Variants in STK32A observed in about 807,000 individuals in gnomAD.
STK32A encodes serine/threonine-protein kinase 32A.
Under a neutral mutation model 53.2 loss-of-function variants are expected in STK32A, and 41 were observed. The ratio of observed to expected loss-of-function variants is 0.77; its 90% CI spans 0.60 to 1.00. The LOEUF is 1.00. Among genes scored for constraint, STK32A ranks in the 50% least tolerant of loss-of-function variants. The pLI is 0.00. For synonymous variants in STK32A, 166 were observed against 162.8 expected (o/e 1.02, Z -0.15); for missense variants, 458 against 485.8 (o/e 0.94, Z 0.54).
rs946610464 is a variant in STK32A, at chr5:147,249,521, G to A, written c.52+9835G>A. Among the ~76,000 whole-genome samples, 15 of 152,124 alleles carry A rather than the reference G, an allele frequency of 9.9e-5. 1 individual carries two copies. Among genetic ancestry groups the A allele is most frequent in the Admixed American group, 3.3e-4 (5 of 15,284 alleles). ...TTCTGGGGGGTGGGAGGCAGAGACC[G>A]AATTTTCTGATCTGTGAAATCTGAA... On this transcript the variant is annotated intron_variant, in intron 2 of 12. Transcript: ENST00000397936.
At chr5:147,253,773 C>T (rs1754103029) in intron 2 of STK32A, among the ~76,000 whole-genome samples, 2 of 152,162 alleles carry the variant, frequency 1.3e-5, no homozygotes, top group South Asian at 2.1e-4. Context: ...TAGTTGATGG[C>T]CCATATAGCA....
chr5:147,237,830 C>T lies in STK32A; in HGVS notation c.-96-1709C>T, dbSNP rs183978145. On this transcript the variant is annotated intron_variant, in intron 1 of 12. Transcript: ENST00000397936. ...TACATTTTCCTAATGGGAAAACGAG[C>T]TTTTCTTCTACACTTCCTTAGGGGT... 3.3e-3 allele frequency among the ~76,000 whole-genome samples: 503 copies of T among 152,324 alleles called. 2 individuals carry two copies. The highest frequency in any genetic ancestry group is 6.8e-3 in the Middle Eastern group (2 of 294).
chr5:147,401,763 T>A, the STK32A span: 1 of 1,580,138 alleles, frequency 6.3e-7, no homozygotes, highest in African/African-American at 1.4e-5. Flanking sequence ...CAAGCCTATT[T>A]AATTTAGCTC....
chr5:147,308,179 T>C (rs1417627009), intron 4 of STK32A, among the ~76,000 whole-genome samples: 1 of 151,570 alleles, frequency 6.6e-6, no homozygotes, highest in Non-Finnish European at 1.5e-5. Context: ...TACATGCATA[T>C]ACATATATAT....
intron 4 of STK32A, among the ~76,000 whole-genome samples, chr5:147,308,154 ATATATATATG>A (rs1185416465): frequency 3.0e-4 from 44 of 144,884 alleles, no homozygotes; most frequent in African/African-American, 8.8e-4. Context: ...ATATATATAT[ATATATATATG>A]TGTGTACATG....
At chr5:147,265,310 G>A (rs930095197) in intron 2 of STK32A, among the ~76,000 whole-genome samples, 1 of 151,766 alleles carries the variant, frequency 6.6e-6, no homozygotes, top group Non-Finnish European at 1.5e-5. Context: ...TTCAATCTTC[G>A]TTAAAATCCG....
intron 5 of STK32A, among the ~76,000 whole-genome samples, chr5:147,335,801 G>A (rs2151984252): frequency 6.6e-6 from 1 of 152,286 alleles, no homozygotes; most frequent in Middle Eastern, 3.4e-3. Context: ...ATGTGTGTGT[G>A]TGTGCGCGCG....
At chr5:147,349,838 G>A (rs186591175) in intron 6 of STK32A, among the ~76,000 whole-genome samples, 2 of 152,200 alleles carry the variant, frequency 1.3e-5, no homozygotes, top group East Asian at 1.9e-4. Flanking sequence ...CTGGCCGGGC[G>A]CAGTGGCTCA....
chr5:147,384,164 T>G lies in STK32A; in HGVS notation c.*181T>G. On this transcript the variant is annotated 3_prime_UTR_variant, in exon 13 of 13. Transcript: ENST00000397936. ...GTCCTGGGCCTGAGCTCCTGGGATG[T>G]CATTTCACATCAATCAACTGTGTGA... 1 of 1,442,048 alleles carries G rather than the reference T, an allele frequency of 6.9e-7. No homozygotes were observed. The highest frequency in any genetic ancestry group is 9.0e-7 in the Non-Finnish European group (1 of 1,111,026). 89.3% of individuals were successfully genotyped at this position (1,442,048 alleles called of 1,614,324 possible).
intron 5 of STK32A, among the ~76,000 whole-genome samples, chr5:147,331,149 T>G (rs552841741): frequency 6.6e-6 from 1 of 152,324 alleles, no homozygotes; most frequent in East Asian, 1.9e-4. Context: ...CCTGTGGGAA[T>G]GAGTCATCTG....
intron 7 of STK32A, among the ~76,000 whole-genome samples, chr5:147,354,540 C>T (rs1055376046): frequency 6.6e-6 from 1 of 152,306 alleles, no homozygotes; most frequent in African/African-American, 2.4e-5. Context: ...CACTTTTACC[C>T]TTGTAATTAA....
chr5:147,236,242 T>C (rs903374420), intron 1 of STK32A, among the ~76,000 whole-genome samples: 2 of 152,172 alleles, frequency 1.3e-5, no homozygotes, highest in Non-Finnish European at 2.9e-5. Flanking sequence ...AATAATCTGA[T>C]AATCGGCCAG....
chr5:147,240,740 T>C (rs531595145), intron 2 of STK32A, among the ~76,000 whole-genome samples: 1 of 152,336 alleles, frequency 6.6e-6, no homozygotes, highest in East Asian at 1.9e-4. Context: ...TTAAGCCAAA[T>C]GGAAATGTTT....
chr5:147,319,450 G>T (rs1423571643), intron 4 of STK32A, among the ~76,000 whole-genome samples: 4 of 152,084 alleles, frequency 2.6e-5, no homozygotes, highest in African/African-American at 9.7e-5. Flanking sequence ...CCACAATGGG[G>T]TATTGTTTTT....
In STK32A at chr5:147,384,627, C is replaced by A; in HGVS notation, c.*644C>A. The A allele has an allele frequency of 2.2e-6, 1 of 449,614 alleles. No homozygotes were observed. The highest frequency in any genetic ancestry group is 3.9e-6 in the Non-Finnish European group (1 of 256,472). 27.9% of individuals were successfully genotyped at this position (449,614 alleles called of 1,614,324 possible). A position where few individuals can be genotyped will look rare whatever the true frequency, so the allele number is the denominator to read the frequency against. ...CACCACTTCCCAGCTCCCTCTTCAA[C>A]AATGTGAAAGTGGTAACTTGAAATT... On this transcript the variant is annotated 3_prime_UTR_variant, in exon 13 of 13. Transcript: ENST00000397936.
At chr5:147,251,951 C>A (rs1025030207) in intron 2 of STK32A, among the ~76,000 whole-genome samples, 12 of 152,078 alleles carry the variant, frequency 7.9e-5, no homozygotes, top group African/African-American at 2.7e-4. Context: ...ACCTCTAATC[C>A]CAACACTTTG....
chr5:147,283,793 C>T (rs538197905), intron 4 of STK32A, among the ~76,000 whole-genome samples: 17 of 152,032 alleles, frequency 1.1e-4, no homozygotes, highest in African/African-American at 2.4e-4. Context: ...GAGATTGAAA[C>T]GGTAATTTAA....
Position 147,254,107 on chromosome 5 carries a change from A to C in STK32A, c.52+14421A>C, listed in dbSNP as rs1424950392. 2.6e-5 allele frequency among the ~76,000 whole-genome samples: 4 copies of C among 152,190 alleles called. No individual in the cohort carries two copies. In the East Asian group the frequency reaches 7.7e-4, roughly 29 times the overall value. On this transcript the variant is annotated intron_variant, in intron 2 of 12. Transcript: ENST00000397936. ...AATTTTCCTTCTAAGGACACCAGCC[A>C]TACCGGATTCAGGGCCCACTCTACT...
At chr5:147,378,881 T>G (rs200592080) in intron 11 of STK32A, among the ~76,000 whole-genome samples, 2,354 of 126,396 alleles carry the variant, frequency 0.019, 126 homozygotes, top group East Asian at 0.17. Flanking sequence ...TTTTTTTTTT[T>G]GCTTAGGATT....
Sources: allele counts gnomAD v4.1 joint callset (sites outside exome capture counted in the v4.1 genomes callset), GRCh38; gene constraint gnomAD v4.1.1; transcripts MANE v1.5; gene names NCBI Gene and HGNC (gene_info 2026-07-23, HGNC 2026-07-21).